The following LGSN variants were observed in gnomAD, a reference collection of about 807,000 sequenced individuals.
LGSN encodes lengsin, lens protein with glutamine synthetase domain.
Under a neutral mutation model 19.5 loss-of-function variants are expected in LGSN, and 21 were observed. The ratio of observed to expected loss-of-function variants is 1.07; its 90% CI spans 0.76 to 1.55. The LOEUF is 1.55. LGSN is among the 40% of genes most tolerant of loss of function. LGSN has a pLI of 0.00. For synonymous variants in LGSN, 257 were observed against 215.6 expected (o/e 1.19, Z -1.68); for missense variants, 673 against 608.5 (o/e 1.11, Z -1.12).
At chr6:63,496,915 T>C in the LGSN span, among the ~76,000 whole-genome samples, 3 of 152,126 alleles carry the variant, frequency 2.0e-5, no homozygotes, top group Admixed American at 1.3e-4. Flanking sequence ...GATCCAAAGA[T>C]AGTCTGAGCA....
At chr6:63,290,853 T>A (rs1767737442) in intron 2 of LGSN, among the ~76,000 whole-genome samples, 1 of 152,244 alleles carries the variant, frequency 6.6e-6, no homozygotes, top group African/African-American at 2.4e-5. Flanking sequence ...TGTTGCTCTC[T>A]GCTCCAGTTT....
chr6:63,485,560 T>C, the LGSN span, among the ~76,000 whole-genome samples: 1 of 152,228 alleles, frequency 6.6e-6, no homozygotes, highest in East Asian at 1.9e-4. Flanking sequence ...AGTAATGGTA[T>C]TGCTGCGCCA....
chr6:63,431,947 G>C, the LGSN span, among the ~76,000 whole-genome samples: 1 of 151,484 alleles, frequency 6.6e-6, no homozygotes, highest in Non-Finnish European at 1.5e-5. Context: ...GTGGTGGTGG[G>C]CACCTATGGT....
chr6:63,505,633 G>GAAAGAAATAAATAAATAAAT, the LGSN span, among the ~76,000 whole-genome samples: 203 of 97,220 alleles, frequency 2.1e-3, 23 homozygotes, highest in African/African-American at 5.6e-3. Context: ...AAGAAAGAAA[G>GAAAGAAATAAATAAATAAAT]AAATTCTGGC....
the LGSN span, among the ~76,000 whole-genome samples, chr6:63,328,339 A>G: frequency 2.9e-3 from 449 of 152,280 alleles, 3 homozygotes; most frequent in African/African-American, 0.01. Context: ...TTGGTTCCCC[A>G]TCCTCTGGGA....
chr6:63,510,975 A>G, the LGSN span, among the ~76,000 whole-genome samples: 1 of 151,328 alleles, frequency 6.6e-6, no homozygotes, highest in Non-Finnish European at 1.5e-5. Flanking sequence ...GCTCCCGGTC[A>G]AGATGCGAAT....
At chr6:63,390,859 CAAAAAAAA>C in the LGSN span, among the ~76,000 whole-genome samples, 1 of 50,520 alleles carries the variant, frequency 2.0e-5, no homozygotes, top group Non-Finnish European at 4.1e-5. Flanking sequence ...GACTCCATCT[CAAAAAAAA>C]AAAAAAAAAA....
chr6:63,318,827 G>A (rs1030747401), intron 1 of LGSN, among the ~76,000 whole-genome samples: 1 of 152,114 alleles, frequency 6.6e-6, no homozygotes, highest in East Asian at 1.9e-4. Flanking sequence ...AGTCCAAGAA[G>A]TTACATAGTT....
chr6:63,496,147 A>G, the LGSN span, among the ~76,000 whole-genome samples: 1 of 151,880 alleles, frequency 6.6e-6, no homozygotes, highest in Non-Finnish European at 1.5e-5. Flanking sequence ...CTGGTCTCGA[A>G]CTCCTTACCT....
At chr6:63,364,715 A>G in the LGSN span, among the ~76,000 whole-genome samples, 2 of 146,428 alleles carry the variant, frequency 1.4e-5, no homozygotes, top group Non-Finnish European at 2.9e-5. Context: ...ATGTAAAAGA[A>G]CAGAAATTAC....
the LGSN span, among the ~76,000 whole-genome samples, chr6:63,465,032 A>G: frequency 6.6e-6 from 1 of 151,504 alleles, no homozygotes; most frequent in South Asian, 2.1e-4. Flanking sequence ...GTCTCAAAAA[A>G]AAAAAAAAAA....
At chr6:63,432,182 A>AG in the LGSN span, among the ~76,000 whole-genome samples, 35 of 27,274 alleles carry the variant, frequency 1.3e-3, 2 homozygotes, top group African/African-American at 6.9e-3. Flanking sequence ...AAGGAAAGAA[A>AG]GAAAAGAAAA....
At chr6:63,301,557 G>A (rs1191224163) in intron 1 of LGSN, among the ~76,000 whole-genome samples, 2 of 152,092 alleles carry the variant, frequency 1.3e-5, no homozygotes, top group African/African-American at 2.4e-5. Context: ...GCTGATTGAA[G>A]GTGAATGTAT....
the LGSN span, among the ~76,000 whole-genome samples, chr6:63,510,702 C>G: frequency 1.6e-5 from 2 of 121,730 alleles, no homozygotes; most frequent in African/African-American, 6.1e-5. Context: ...GAGACAGAGT[C>G]TCGCTCTGTC....
chr6:63,415,721 G>A, the LGSN span, among the ~76,000 whole-genome samples: 1 of 152,162 alleles, frequency 6.6e-6, no homozygotes, highest in Non-Finnish European at 1.5e-5. Flanking sequence ...TAGCTAGAGC[G>A]ACTTCCACTG....
the LGSN span, among the ~76,000 whole-genome samples, chr6:63,489,573 T>C: frequency 6.6e-6 from 1 of 152,258 alleles, no homozygotes; most frequent in Non-Finnish European, 1.5e-5. Context: ...TTTTACCTTG[T>C]TGGCCAGTCT....
At chr6:63,343,751 C>A in the LGSN span, among the ~76,000 whole-genome samples, 4 of 152,116 alleles carry the variant, frequency 2.6e-5, no homozygotes, top group Admixed American at 1.3e-4. Flanking sequence ...AACTAAAATC[C>A]CAAACCACTG....
At chr6:63,438,658 C>A in the LGSN span, among the ~76,000 whole-genome samples, 8 of 152,108 alleles carry the variant, frequency 5.3e-5, no homozygotes, top group Non-Finnish European at 1.2e-4. Flanking sequence ...CAATGAGATA[C>A]CATCTCACAC....
the LGSN span, among the ~76,000 whole-genome samples, chr6:63,338,040 C>T: frequency 6.6e-6 from 1 of 151,864 alleles, no homozygotes; most frequent in African/African-American, 2.4e-5. Flanking sequence ...TACACACCAC[C>T]ACCCCTGGCT....
Sources: gnomAD v4.1 joint callset for allele counts (sites outside exome capture counted in the v4.1 genomes callset) on GRCh38, gnomAD v4.1.1 for gene constraint, MANE v1.5 for transcripts, NCBI Gene and HGNC (gene_info 2026-07-23, HGNC 2026-07-21) for gene names.